SCN7A: variants seen among roughly 807,000 people sequenced by gnomAD.
SCN7A encodes sodium channel protein type 7 subunit alpha.
Under a neutral mutation model 155.2 loss-of-function variants are expected in SCN7A, and 138 were observed. The observed-to-expected ratio is 0.89, with a 90% CI of 0.77 to 1.02. The LOEUF (loss-of-function observed/expected upper bound fraction) is 1.02, where lower values mean the gene tolerates loss of function less well. SCN7A is among the 50% of genes least tolerant of loss of function. SCN7A has a pLI of 0.00. For missense variants in SCN7A, 2,058 were observed against 1,986.6 expected, an observed-to-expected ratio of 1.04 and a Z score of -0.68; for synonymous variants, 693 against 649.0, an observed-to-expected ratio of 1.07 and a Z score of -1.03.
At chr2:166,433,596 C>G (rs1462865262) in intron 15 of SCN7A, among the ~76,000 whole-genome samples, 1 of 152,066 alleles carries the variant, frequency 6.6e-6, no homozygotes, top group Non-Finnish European at 1.5e-5. Flanking sequence ...CTGCTTTATT[C>G]CAAAGCTTAT....
At chr2:166,457,139 A>T in intron 10 of SCN7A, 63 bp from the exon 11 acceptor site, 5 of 1,251,074 alleles carry the variant, frequency 4.0e-6, no homozygotes, top group Non-Finnish European at 5.5e-6. Flanking sequence ...GGATTCTCCT[A>T]TTTTAAAATA....
At position 166,406,317 on chromosome 2, in the gene SCN7A, C is replaced by T; in HGVS notation, c.4312G>A (p.Gly1438Arg). ...FQVAIFAGWD[G>R]MLDAIFNSKW... ...CTGTTGAAAATTGCATCAAGCATCC[C>T]ATCCCAACCAGCAAATATTGCAACT... Residue 1438 changes from glycine (G) to arginine (R), a missense_variant, in exon 26 of 26, where the codon GGG becomes AGG. By Grantham distance (125) the Gly-to-Arg change is moderately radical. Coordinates refer to ENST00000643258, the MANE Select transcript of SCN7A (RefSeq NM_002976.4). 1.2e-6 allele frequency: 2 copies of T among 1,613,168 alleles called. No individual in the cohort carries two copies. Among genetic ancestry groups the T allele is most frequent in the South Asian group, 1.1e-5 (1 of 91,068 alleles).
At chr2:166,454,981 C>T (rs1313658286) in intron 11 of SCN7A, among the ~76,000 whole-genome samples, 1 of 152,104 alleles carries the variant, frequency 6.6e-6, no homozygotes, top group Non-Finnish European at 1.5e-5. Flanking sequence ...TTGACAATTA[C>T]AGTAAAACAT....
At chr2:166,429,535 C>G (rs1002610836) in intron 16 of SCN7A, among the ~76,000 whole-genome samples, 4 of 152,014 alleles carry the variant, frequency 2.6e-5, no homozygotes, top group African/African-American at 9.7e-5. Flanking sequence ...GTTTATAACA[C>G]TTTGCTTCTT....
At chr2:166,458,210 C>G (rs981329424) in intron 10 of SCN7A, among the ~76,000 whole-genome samples, 2 of 151,912 alleles carry the variant, frequency 1.3e-5, no homozygotes, top group Non-Finnish European at 2.9e-5. Flanking sequence ...TGCCTGTAGT[C>G]CCAGCTACTC....
chr2:166,477,742 A>G, intron 2 of SCN7A, 32 bp from the exon 3 acceptor site: 4 of 1,337,648 alleles, frequency 3.0e-6, no homozygotes, highest in Non-Finnish European at 3.0e-6. Flanking sequence ...AGTTGGGTAT[A>G]CTAATAAAAC....
chr2:166,458,259 G>A (rs536415743), intron 10 of SCN7A, among the ~76,000 whole-genome samples: 6 of 151,580 alleles, frequency 4.0e-5, no homozygotes, highest in Non-Finnish European at 8.8e-5. Flanking sequence ...GCCCAGGGTG[G>A]CTGAGGCTGC....
At chr2:166,483,211 T>A (rs1460892697) in intron 2 of SCN7A, among the ~76,000 whole-genome samples, 3 of 151,962 alleles carry the variant, frequency 2.0e-5, no homozygotes, top group African/African-American at 7.2e-5. Flanking sequence ...AGAAAAAAAA[T>A]TTCTCCTTGA....
At chr2:166,461,048 CTTTTTTT>C (rs34717897) in intron 10 of SCN7A, among the ~76,000 whole-genome samples, 49 of 96,678 alleles carry the variant, frequency 5.1e-4, no homozygotes, top group African/African-American at 1.3e-3. Context: ...GTAATATTTT[CTTTTTTT>C]TTTTTTTTTT....
At chr2:166,488,839 T>C (rs1024349365) in intron 1 of SCN7A, among the ~76,000 whole-genome samples, 2 of 152,058 alleles carry the variant, frequency 1.3e-5, no homozygotes, top group African/African-American at 4.8e-5. Flanking sequence ...GGTTTCACCA[T>C]GTTGGCCAGG....
chr2:166,462,561 C>T (rs1354284062), intron 9 of SCN7A, 31 bp from the exon 10 acceptor site: 1 of 1,604,270 alleles, frequency 6.2e-7, no homozygotes, highest in Non-Finnish European at 8.5e-7. Context: ...AACCTGCTTA[C>T]TATTAGGTGA....
chr2:166,465,262 C>A (rs1025605082), intron 9 of SCN7A, among the ~76,000 whole-genome samples, 200 bp downstream of exon 9: 5 of 152,186 alleles, frequency 3.3e-5, no homozygotes, highest in Non-Finnish European at 5.9e-5. Context: ...GAGTAATACA[C>A]TTCTGTTGTT....
In SCN7A at chr2:166,416,899, G is replaced by A. The variant is rs766121201; in HGVS notation, c.3222C>T (p.Ile1074=). 48 of 1,612,928 alleles carry A rather than the reference G, an allele frequency of 3.0e-5. No individual in the cohort carries two copies. The South Asian group carries it at 5.1e-4, about 17-fold the overall frequency. ...VCLMIWLIFS[I]MGVDLFAGRF... ...TGCCAGCAAATAAGTCTACTCCCAT[G>A]ATACTAAAAATCAGCCAGATCATCA... Residue 1074 remains isoleucine, a synonymous_variant, in exon 21 of 26, where the codon ATC becomes ATT. Coordinates refer to ENST00000643258, the MANE Select transcript of SCN7A (RefSeq NM_002976.4).
intron 12 of SCN7A, 83 bp downstream of exon 12, chr2:166,447,529 T>C (rs1358426403): frequency 7.0e-6 from 6 of 853,634 alleles, no homozygotes; most frequent in Non-Finnish European, 1.1e-5. Context: ...TCTAAGATTC[T>C]GAAGAAATTG....
At chr2:166,443,699 G>A in intron 13 of SCN7A, 23 bp from the exon 14 acceptor site, 1 of 1,492,712 alleles carries the variant, frequency 6.7e-7, no homozygotes, top group Non-Finnish European at 9.0e-7. Context: ...CAAATACATA[G>A]GTGAGAATAT....
In SCN7A at chr2:166,416,810, T is replaced by G. The variant is rs1459255727; in HGVS notation, c.3311A>C (p.Lys1104Thr). 6.2e-7 allele frequency: 1 copy of G among 1,613,674 alleles called. No homozygotes were observed. Among genetic ancestry groups the G allele is most frequent in the East Asian group, 2.2e-5 (1 of 44,810 alleles). ...AAACAGAAGGCTTTCACACCGACTC[T>G]TATTCATGACTTCAGATGAAGGAAA... is the stretch of plus-strand genomic sequence containing the variant. ...ERFPSSEVMNKSRCESLLFNE... is the reference protein window; with the variant it reads ...ERFPSSEVMNTSRCESLLFNE... Residue 1104 changes from lysine (K) to threonine (T), a missense_variant, in exon 21 of 26, where the codon AAG becomes ACG. By Grantham distance (78) the Lys-to-Thr change is moderately conservative. Coordinates refer to ENST00000643258, the MANE Select transcript of SCN7A (RefSeq NM_002976.4).
Position 166,416,846 on chromosome 2 carries a change from C to T in SCN7A, c.3275G>A (p.Ser1092Asn). ...TTCAGATGAAGGAAACCTTTCTCCA[C>T]TTGTTGGGTCAATGCATTCATAGAA... ...GRFYECIDPT[S>N]GERFPSSEVM... Residue 1092 changes from serine (S) to asparagine (N), a missense_variant, in exon 21 of 26, where the codon AGT becomes AAT. Transcript: ENST00000643258. 1 of 1,613,670 alleles carries T rather than the reference C, an allele frequency of 6.2e-7. No individual in the cohort carries two copies.
intron 9 of SCN7A, among the ~76,000 whole-genome samples, chr2:166,464,138 GAATA>G (rs1559118921): frequency 6.7e-6 from 1 of 148,814 alleles, no homozygotes; most frequent in Admixed American, 6.7e-5. Context: ...GTATATATAC[GAATA>G]TATACACATA....
At chr2:166,471,826 T>A (rs529893241) in intron 6 of SCN7A, among the ~76,000 whole-genome samples, 58 of 151,808 alleles carry the variant, frequency 3.8e-4, no homozygotes, top group Non-Finnish European at 7.7e-4. Context: ...GAATTGAGAA[T>A]CAAATCTGCT....
Sources: gnomAD v4.1 joint callset for allele counts (sites outside exome capture counted in the v4.1 genomes callset) on GRCh38, gnomAD v4.1.1 for gene constraint, MANE v1.5 for transcripts, NCBI Gene and HGNC (gene_info 2026-07-23, HGNC 2026-07-21) for gene names.